PCTP: variants seen among roughly 807,000 people sequenced by gnomAD.
PCTP encodes phosphatidylcholine transfer protein.
PCTP carries 27 observed loss-of-function variants against 31.0 expected under a neutral mutation model. That is an observed-to-expected ratio of 0.87 (90% CI 0.64 to 1.20). The LOEUF (loss-of-function observed/expected upper bound fraction) is 1.20, where lower values mean the gene tolerates loss of function less well. PCTP is among the 50% of genes most tolerant of loss of function. The probability of loss-of-function intolerance (pLI) is 0.00; values close to 1 mark genes in which losing one functional copy is unlikely to be tolerated. For missense variants in PCTP, 287 were observed against 268.2 expected (o/e 1.07, Z -0.49); for synonymous variants, 108 against 101.2 (o/e 1.07, Z -0.40).
Position 55,774,744 on chromosome 17 carries a change from T to C in PCTP, c.512-48T>C, listed in dbSNP as rs760729188. 8.2e-5 allele frequency: 117 copies of C among 1,434,726 alleles called. No homozygotes were observed. The South Asian group carries it at 1.3e-3, about 16-fold the overall frequency. The allele number at this position is 1,434,726 out of a possible 1,614,324, so 88.9% of individuals were successfully genotyped here. ...TTTGCACAGTTTTGTTGCTATATTT[T>C]TCTGGTATTTTTCCTTTTTCTGAAT... On this transcript the variant is annotated intron_variant, in intron 4 of 5. Transcript: ENST00000268896.
At chr17:55,806,698 C>G (rs1242300259) in intron 3 of PCTP, among the ~76,000 whole-genome samples, 1 of 152,088 alleles carries the variant, frequency 6.6e-6, no homozygotes, top group Non-Finnish European at 1.5e-5. Flanking sequence ...AACCTCGGTA[C>G]TGGACAGGAA....
At position 55,776,211 on chromosome 17, in the gene PCTP, A is replaced by C; in HGVS notation, c.*111A>C. ...TGCCACCTGGAAGTGTCTCTGGAAG[A>C]GCACCCACCACTGTTCAGCCTTCCC... On this transcript the variant is annotated 3_prime_UTR_variant, in exon 6 of 6. Transcript: ENST00000268896. 1 of 1,515,374 alleles carries C rather than the reference A, an allele frequency of 6.6e-7. No individual in the cohort carries two copies. Among genetic ancestry groups the C allele is most frequent in the East Asian group, 2.5e-5 (1 of 40,676 alleles). The allele number at this position is 1,515,374 out of a possible 1,614,324, so 93.9% of individuals were successfully genotyped here. A position where few individuals can be genotyped will look rare whatever the true frequency, so the allele number is the denominator to read the frequency against.
chr17:55,796,544 G>A (rs538944776), intron 3 of PCTP, among the ~76,000 whole-genome samples: 3 of 152,162 alleles, frequency 2.0e-5, no homozygotes, highest in African/African-American at 7.2e-5. Flanking sequence ...GAAAGCGTCA[G>A]CAGACATAGC....
intron 1 of PCTP, among the ~76,000 whole-genome samples, chr17:55,766,984 GT>G (rs1187398163): frequency 6.6e-6 from 1 of 152,118 alleles, no homozygotes; most frequent in East Asian, 1.9e-4. Context: ...TCTCATTGTG[GT>G]TTTGATTTGC....
chr17:55,756,896 G>C (rs942267053), intron 1 of PCTP, among the ~76,000 whole-genome samples: 1 of 152,176 alleles, frequency 6.6e-6, no homozygotes. Flanking sequence ...CACAGGACTG[G>C]AGTGGATATG....
At chr17:55,773,285 C>T (rs1179649365) in intron 3 of PCTP, among the ~76,000 whole-genome samples, 1 of 152,188 alleles carries the variant, frequency 6.6e-6, no homozygotes, top group Non-Finnish European at 1.5e-5. Context: ...CGAGTGCTTA[C>T]TCTGCCCAGG....
intron 3 of PCTP, among the ~76,000 whole-genome samples, chr17:55,821,285 G>T (rs760491789): frequency 6.6e-6 from 1 of 152,174 alleles, no homozygotes; most frequent in Non-Finnish European, 1.5e-5. Context: ...ATTCACAAAG[G>T]ATCATATATC....
At chr17:55,810,615 C>T (rs561055914) in intron 3 of PCTP, among the ~76,000 whole-genome samples, 9 of 152,332 alleles carry the variant, frequency 5.9e-5, no homozygotes, top group African/African-American at 1.2e-4. Context: ...ATAACAGAGC[C>T]TCTCACTGTT....
intron 2 of PCTP, among the ~76,000 whole-genome samples, chr17:55,782,939 A>G (rs917580326): frequency 4.6e-5 from 7 of 152,192 alleles, no homozygotes; most frequent in African/African-American, 1.7e-4. Context: ...TCATTCCCAA[A>G]TTATATACTC....
chr17:55,786,432 T>C (rs1911749797), intron 2 of PCTP, among the ~76,000 whole-genome samples: 1 of 152,364 alleles, frequency 6.6e-6, no homozygotes, highest in East Asian at 1.9e-4. Flanking sequence ...CACACCAACA[T>C]GGCACATGTA....
chr17:55,782,572 T>C (rs1911601577), intron 2 of PCTP, among the ~76,000 whole-genome samples: 1 of 152,166 alleles, frequency 6.6e-6, no homozygotes, highest in Non-Finnish European at 1.5e-5. Flanking sequence ...AGTTAGGTGG[T>C]AGACTGGGAA....
At chr17:55,827,097 A>T (rs1453098601), downstream of PCTP, among the ~76,000 whole-genome samples, 1 of 151,466 alleles carries the variant, frequency 6.6e-6, no homozygotes, top group Non-Finnish European at 1.5e-5. Flanking sequence ...AGCTCGTTGC[A>T]ATTTGACTTT....
chr17:55,840,065 T>A (rs936445803), intron 5 of PCTP, among the ~76,000 whole-genome samples: 1 of 152,158 alleles, frequency 6.6e-6, no homozygotes, highest in Non-Finnish European at 1.5e-5. Flanking sequence ...ACAGATTTTT[T>A]AAAATTTTGC....
chr17:55,828,835 C>T (rs1310310170), intron 5 of PCTP, among the ~76,000 whole-genome samples: 1 of 152,130 alleles, frequency 6.6e-6, no homozygotes. Context: ...TTAAGGAAAC[C>T]GATATTTGGA....
At chr17:55,779,966 A>T (rs34212603), downstream of PCTP, among the ~76,000 whole-genome samples, 1 of 152,136 alleles carries the variant, frequency 6.6e-6, no homozygotes, top group Non-Finnish European at 1.5e-5. Context: ...CATGCAGCCC[A>T]TCAGAGCAGA....
chr17:55,776,438 C>T lies in PCTP; in HGVS notation c.*338C>T, dbSNP rs577440833. 14 of 1,234,072 alleles carry T rather than the reference C, an allele frequency of 1.1e-5. No individual in the cohort carries two copies. The highest frequency in any genetic ancestry group is 6.2e-5 in the African/African-American group (4 of 64,610). 76.4% of individuals were successfully genotyped at this position (1,234,072 alleles called of 1,614,324 possible). ...GAGGGGAAGTCTTCAGTAGGGAACA[C>T]GATCATTCCATTGTGCAATTTTACG... On this transcript the variant is annotated 3_prime_UTR_variant, in exon 6 of 6. Transcript: ENST00000268896.
downstream of PCTP, among the ~76,000 whole-genome samples, chr17:55,845,772 G>T (rs1457919669): frequency 1.3e-5 from 2 of 151,714 alleles, no homozygotes; most frequent in African/African-American, 2.4e-5. Context: ...TGAGGCCCCT[G>T]GCTCCGCACC....
chr17:55,771,565 G>A (rs1257743866), intron 3 of PCTP, among the ~76,000 whole-genome samples: 2 of 152,188 alleles, frequency 1.3e-5, no homozygotes, highest in Admixed American at 6.5e-5. Context: ...AGAGGTGATA[G>A]GACAGAGGCA....
chr17:55,829,980 C>T (rs1295419345), intron 5 of PCTP, among the ~76,000 whole-genome samples: 2 of 152,110 alleles, frequency 1.3e-5, no homozygotes, highest in Non-Finnish European at 2.9e-5. Flanking sequence ...GGCATGTCTC[C>T]TATCGTCTGT....
Sources: gnomAD v4.1 joint callset for allele counts (sites outside exome capture counted in the v4.1 genomes callset) on GRCh38, gnomAD v4.1.1 for gene constraint, MANE v1.5 for transcripts, NCBI Gene and HGNC (gene_info 2026-07-23, HGNC 2026-07-21) for gene names.